BTBD3: variants seen among roughly 807,000 people sequenced by gnomAD.
BTBD3 encodes the protein BTB domain containing 3.
A neutral mutation model predicts 41.6 loss-of-function variants in BTBD3; 14 were observed. The ratio of observed to expected loss-of-function variants is 0.34; its 90% CI spans 0.22 to 0.53. BTBD3 has a LOEUF of 0.53. Ranked by LOEUF, BTBD3 falls within the 20% of genes least tolerant of loss-of-function variation. BTBD3 has a pLI of 0.95. For missense variants in BTBD3, 426 were observed against 654.7 expected (o/e 0.65, Z 3.81); for synonymous variants, 249 against 233.7 (o/e 1.07, Z -0.60).
At position 11,923,938 on chromosome 20, in the gene BTBD3, T is replaced by C; in HGVS notation, c.*272T>C. 1 of 331,200 alleles carries C rather than the reference T, an allele frequency of 3.0e-6. No homozygotes were observed. Among genetic ancestry groups the C allele is most frequent in the Non-Finnish European group, 5.5e-6 (1 of 182,346 alleles). 20.5% of individuals were successfully genotyped at this position (331,200 alleles called of 1,614,324 possible). ...ATGAACCTGGGGAGATTATGTGCTT[T>C]CCCAAGCGTTCCACCACCCTCTCAG... On this transcript the variant is annotated 3_prime_UTR_variant, in exon 4 of 4. Transcript: ENST00000378226. This position sits in a 1 kb window ranked among gnomAD's most constrained non-coding sequence, Gnocchi z 5.3.
intron 3 of BTBD3, chr20:11,921,706 C>G (rs1400763553): frequency 6.6e-6 from 1 of 152,170 alleles, no homozygotes; most frequent in African/African-American, 2.4e-5. Flanking sequence ...CATTGCCATT[C>G]TTGTGTTTTA....
At chr20:11,906,253 C>CTTTTTTTTTTTTTTTTTTTTTTTTTT (rs1568610658) in intron 1 of BTBD3, among the ~76,000 whole-genome samples, 1 of 37,346 alleles carries the variant, frequency 2.7e-5, no homozygotes, top group Non-Finnish European at 6.3e-5. Context: ...TATTATTACT[C>CTTTTTTTTTTTTTTTTTTTTTTTTTT]CTTTTTTTTT....
intron 1 of BTBD3, among the ~76,000 whole-genome samples, chr20:11,900,355 G>GC (rs2056816361): frequency 6.6e-6 from 1 of 152,142 alleles, no homozygotes; most frequent in Non-Finnish European, 1.5e-5. Flanking sequence ...AAATCACATT[G>GC]CCCTCAGTTT....
intron 3 of BTBD3, 21 bp from the exon 4 acceptor site, chr20:11,922,613 C>T (rs748665437): frequency 1.3e-6 from 2 of 1,578,914 alleles, no homozygotes; most frequent in Non-Finnish European, 1.7e-6. Context: ...ATTCCACTTA[C>T]ATGTTATGTG....
chr20:11,908,321 G>GTTTTTTTT (rs3834758), intron 1 of BTBD3, among the ~76,000 whole-genome samples: 20,732 of 75,086 alleles, frequency 0.28, 4,522 homozygotes, highest in Non-Finnish European at 0.32. Flanking sequence ...CTTCTCTGTG[G>GTTTTTTTT]TTTTTTTTTT....
upstream of BTBD3, among the ~76,000 whole-genome samples, chr20:11,914,638 A>T (rs2056907700): frequency 1.3e-5 from 2 of 151,950 alleles, no homozygotes; most frequent in Admixed American, 6.6e-5. Flanking sequence ...AATAAAATAA[A>T]AAAAAAAGAA....
intron 2 of BTBD3, 156 bp from the exon 3 acceptor site, chr20:11,919,562 T>C (rs1600245502): frequency 1.8e-6 from 2 of 1,120,542 alleles, no homozygotes; most frequent in Non-Finnish European, 2.5e-6. Flanking sequence ...TATGCTTCCA[T>C]GGCAAGCTAC....
chr20:11,901,297 C>T (rs1401235368), intron 1 of BTBD3, among the ~76,000 whole-genome samples: 1 of 152,142 alleles, frequency 6.6e-6, no homozygotes, highest in East Asian at 1.9e-4. Flanking sequence ...TCTGTCTCTT[C>T]CTGTGGTTTT....
At chr20:11,905,585 TC>T (rs1298693622) in intron 1 of BTBD3, among the ~76,000 whole-genome samples, 1 of 152,154 alleles carries the variant, frequency 6.6e-6, no homozygotes, top group Non-Finnish European at 1.5e-5. Context: ...CGTAAATAAA[TC>T]CCCCATCATT....
intron 1 of BTBD3, among the ~76,000 whole-genome samples, chr20:11,905,693 G>A (rs2056849015): frequency 6.6e-6 from 1 of 152,184 alleles, no homozygotes; most frequent in Admixed American, 6.5e-5. Context: ...ACCTTCAGAT[G>A]GCTTAGAAAC....
At chr20:11,906,172 C>T (rs908395910) in intron 1 of BTBD3, among the ~76,000 whole-genome samples, 8 of 150,816 alleles carry the variant, frequency 5.3e-5, no homozygotes, top group Non-Finnish European at 7.4e-5. Flanking sequence ...ATAAACACAC[C>T]GGCCCAGCAA....
chr20:11,915,611 T>A (rs1476401491), upstream of BTBD3, among the ~76,000 whole-genome samples: 2 of 152,144 alleles, frequency 1.3e-5, no homozygotes, highest in African/African-American at 4.8e-5. Context: ...ACATTTTCAG[T>A]AGCAAGAACC....
intron 1 of BTBD3, among the ~76,000 whole-genome samples, chr20:11,897,740 T>C: frequency 6.6e-6 from 1 of 152,206 alleles, no homozygotes; most frequent in African/African-American, 2.4e-5. Context: ...GGCTTCTCTT[T>C]GATTTTCCAT....
Position 11,918,265 on chromosome 20 carries a change from A to G in BTBD3, c.-11A>G. On this transcript the variant is annotated 5_prime_UTR_variant, in exon 1 of 4. Coordinates refer to ENST00000378226, the MANE Select transcript of BTBD3 (RefSeq NM_014962.4). ...GGGATATCTAACTCTAAAGAGAGAC[A>G]CACTGTACTCATGGTAGATGACAAG... 2 of 1,558,492 alleles carry G rather than the reference A, an allele frequency of 1.3e-6. No individual in the cohort carries two copies. Among genetic ancestry groups the G allele is most frequent in the Non-Finnish European group, 1.7e-6 (2 of 1,159,590 alleles).
At chr20:11,914,344 TC>T (rs1393143324), upstream of BTBD3, among the ~76,000 whole-genome samples, 1 of 152,198 alleles carries the variant, frequency 6.6e-6, no homozygotes, top group African/African-American at 2.4e-5. Flanking sequence ...TTTTGTATAT[TC>T]AAATCAATCT....
exon 1 of BTBD3, chr20:11,890,901 A>G (rs1449447774): frequency 1.1e-5 from 11 of 984,600 alleles, no homozygotes; most frequent in Non-Finnish European, 1.3e-5. Flanking sequence ...AGGAGCGGGC[A>G]CAGGGCAAGG....
intron 1 of BTBD3, among the ~76,000 whole-genome samples, chr20:11,894,778 A>G (rs2056776701): frequency 6.6e-6 from 1 of 152,002 alleles, no homozygotes; most frequent in African/African-American, 2.4e-5. Context: ...TCATGCTTGG[A>G]AAGCCCAGAA....
At chr20:11,904,646 T>G (rs1232486) in intron 1 of BTBD3, among the ~76,000 whole-genome samples, 111,087 of 152,028 alleles carry the variant, frequency 0.73, 41,030 homozygotes, top group Non-Finnish European at 0.78. Context: ...TTAATATACT[T>G]TTGTCAAAAT....
In BTBD3 at chr20:11,923,402, G is replaced by A; in HGVS notation, c.1305G>A (p.Leu435=). The change falls in exon 4 of 4, where the codon CTG becomes CTA. Residue 435 remains leucine (L), a synonymous_variant. Transcript: ENST00000378226. This position sits in a 1 kb window ranked among gnomAD's most constrained non-coding sequence, Gnocchi z 5.3. ...AACTTAAGCGGCAGGGCGTTGTCCT[G>A]GGGCAGAACTTGAGCAAGTACTTCT... ...KIELKRQGVV[L]GQNLSKYFSD... 6.2e-7 allele frequency: 1 copy of A among 1,614,194 alleles called. No homozygotes were observed. Among genetic ancestry groups the A allele is most frequent in the Non-Finnish European group, 8.5e-7 (1 of 1,180,040 alleles).
Sources: gnomAD v4.1 joint callset for allele counts (sites outside exome capture counted in the v4.1 genomes callset) on GRCh38, gnomAD v4.1.1 for gene constraint, Gnocchi (gnomAD v3.1) non-coding constraint, MANE v1.5 for transcripts, NCBI Gene and HGNC (gene_info 2026-07-23, HGNC 2026-07-21) for gene names.